PRPF19: variants seen among roughly 807,000 people sequenced by gnomAD.
The protein encoded by PRPF19 is pre-mRNA-processing factor 19.
A neutral mutation model predicts 64.2 loss-of-function variants in PRPF19; 2 were observed. The ratio of observed to expected loss-of-function variants is 0.03; its 90% CI spans 0.01 to 0.10. The LOEUF (loss-of-function observed/expected upper bound fraction) is 0.10, where lower values mean the gene tolerates loss of function less well. PRPF19 is among the 10% of genes least tolerant of loss of function. The probability of loss-of-function intolerance (pLI) is 1.00; values close to 1 mark genes in which losing one functional copy is unlikely to be tolerated. For synonymous variants in PRPF19, 226 were observed against 251.6 expected (o/e 0.90, Z 0.96); for missense variants, 314 against 650.0 (o/e 0.48, Z 5.62).
At position 60,898,455 on chromosome 11, in the gene PRPF19, G is replaced by A; in HGVS notation, c.1140+86C>T. ...CAGTGTCTCTCCACCTTCAGGGCCA[G>A]GTGCCACAAGCACCTAATTAGCACT... On this transcript the variant is annotated intron_variant, in intron 13 of 15. Coordinates refer to ENST00000227524, the MANE Select transcript of PRPF19 (RefSeq NM_014502.5). The surrounding 1 kb of genome is among the most constrained non-coding windows in gnomAD (Gnocchi z 4.6). 1 of 1,598,608 alleles carries A rather than the reference G, an allele frequency of 6.3e-7. No homozygotes were observed. Among genetic ancestry groups the A allele is most frequent in the South Asian group, 1.1e-5 (1 of 88,630 alleles).
At chr11:60,903,063 G>A (rs1164225365) in intron 3 of PRPF19, among the ~76,000 whole-genome samples, 182 bp from the exon 4 acceptor site, 4 of 152,032 alleles carry the variant, frequency 2.6e-5, no homozygotes, top group East Asian at 1.9e-4. Flanking sequence ...TACCCCAAGC[G>A]AACCACTGGG....
At chr11:60,905,285 C>T (rs1856032847) in intron 1 of PRPF19, 1 of 152,172 alleles carries the variant, frequency 6.6e-6, no homozygotes, top group Admixed American at 6.5e-5. Context: ...AATGAGTGAA[C>T]CATGCCAGGA....
In PRPF19 at chr11:60,903,462, C is replaced by T. The variant is rs749844156; in HGVS notation, c.243G>A (p.Glu81=). ...TGATTCTCTTGCAGGAACTCACCCA[C>T]TCATCCTGCAAAGCTTTCAGAATGG... ...IPAILKALQD[E]WDAVMLHSFT... The change falls in exon 3 of 16, where the codon GAG becomes GAA. Residue 81 remains glutamate (E), a synonymous_variant. Coordinates refer to ENST00000227524, the MANE Select transcript of PRPF19 (RefSeq NM_014502.5). 1.2e-6 allele frequency: 2 copies of T among 1,613,154 alleles called. No homozygotes were observed. Among genetic ancestry groups the T allele is most frequent in the South Asian group, 1.1e-5 (1 of 90,700 alleles).
chr11:60,903,527 G>A lies in PRPF19; in HGVS notation c.178C>T (p.Pro60Ser), dbSNP rs1486433660. ...EQLIDIKVAH[P>S]IRPKPPSATS... ...GCTGAGGGAGGCTTGGGCCGGATTG[G>A]GTGAGCAACTGCCGAAAGGGAAAGC... The change falls in exon 3 of 16, where the codon CCA becomes TCA. Residue 60 changes from proline (P) to serine (S), a missense_variant. Pro to Ser is a moderately conservative substitution (Grantham distance 74, BLOSUM62 -1). This residue lies in a region of PRPF19 where 66 missense variants were observed against 88.4 expected (regional missense o/e 0.75). Transcript: ENST00000227524. 6.2e-7 allele frequency: 1 copy of A among 1,613,934 alleles called. No homozygotes were observed. Among genetic ancestry groups the A allele is most frequent in the African/African-American group, 1.3e-5 (1 of 74,904 alleles).
chr11:60,893,948 G>A (rs938432055), intron 15 of PRPF19, among the ~76,000 whole-genome samples: 12 of 152,216 alleles, frequency 7.9e-5, no homozygotes, highest in African/African-American at 2.9e-4. Flanking sequence ...ACACTATACT[G>A]TAGTCTATTA....
intron 15 of PRPF19, among the ~76,000 whole-genome samples, chr11:60,896,039 C>T (rs550143039): frequency 1.3e-5 from 2 of 152,246 alleles, no homozygotes; most frequent in East Asian, 1.9e-4. Context: ...ATTTGACACA[C>T]AGACACAAAG....
At chr11:60,900,339 A>G (rs1219800583) in intron 10 of PRPF19, among the ~76,000 whole-genome samples, 3 of 152,238 alleles carry the variant, frequency 2.0e-5, no homozygotes, top group Non-Finnish European at 4.4e-5. Context: ...AAATATTTCA[A>G]TGAATATGCT....
At chr11:60,891,774 A>G (rs991209011) in intron 15 of PRPF19, among the ~76,000 whole-genome samples, 2 of 152,212 alleles carry the variant, frequency 1.3e-5, no homozygotes, top group African/African-American at 2.4e-5. Context: ...TCACACCTGG[A>G]GTCAACCAAC....
rs779232907 is a variant in PRPF19, at chr11:60,898,393, C to G, written c.1141-122G>C. The G allele has an allele frequency of 1.3e-6, 2 of 1,499,798 alleles. No homozygotes were observed. The highest frequency in any genetic ancestry group is 4.8e-5 in the East Asian group (2 of 41,798). The allele number at this position is 1,499,798 out of a possible 1,614,324, so 92.9% of individuals were successfully genotyped here. On this transcript the variant is annotated intron_variant, in intron 13 of 15. Transcript: ENST00000227524. This position sits in a 1 kb window ranked among gnomAD's most constrained non-coding sequence, Gnocchi z 4.6. The stretch of plus-strand genomic sequence containing the variant: ...CTTCCAGGAAGGACAGCCAGCGGGA[C>G]CCCCCAGACCACACCATCATATCAC...
chr11:60,900,711 A>G lies in PRPF19; in HGVS notation c.719-20T>C, dbSNP rs750510067. The G allele has an allele frequency of 1.3e-6, 2 of 1,560,512 alleles. No individual in the cohort carries two copies. Among genetic ancestry groups the G allele is most frequent in the Non-Finnish European group, 1.7e-6 (2 of 1,150,616 alleles). On this transcript the variant is annotated intron_variant, in intron 9 of 15. Transcript: ENST00000227524. ...CCCCACCTGGAGAAGACCCAAAAAG[A>G]CCAAACAATGAGTCAGGCCCACCCA...
chr11:60,890,919 C>T lies in PRPF19; in HGVS notation c.*247G>A. ...GGAAGGGAGAGGCCCTGGGCTCCGA[C>T]CCTGGGCCTTAAGAGGGTGACAGTT... On this transcript the variant is annotated 3_prime_UTR_variant, in exon 16 of 16. Coordinates refer to ENST00000227524, the MANE Select transcript of PRPF19 (RefSeq NM_014502.5). 1 of 594,790 alleles carries T rather than the reference C, an allele frequency of 1.7e-6. No homozygotes were observed. Among genetic ancestry groups the T allele is most frequent in the South Asian group, 1.5e-5 (1 of 64,774 alleles). The allele number at this position is 594,790 out of a possible 1,614,324, so 36.8% of individuals were successfully genotyped here. A position where few individuals can be genotyped will look rare whatever the true frequency, so the allele number is the denominator to read the frequency against.
intron 10 of PRPF19, among the ~76,000 whole-genome samples, chr11:60,899,794 GGGGCA>G (rs1855961477): frequency 6.6e-6 from 1 of 152,100 alleles, no homozygotes; most frequent in African/African-American, 2.4e-5. Flanking sequence ...CAAAAGATTT[GGGGCA>G]GGGAGAGAAT....
At chr11:60,891,594 T>C (rs1425663696) in intron 15 of PRPF19, among the ~76,000 whole-genome samples, 6 of 152,214 alleles carry the variant, frequency 3.9e-5, no homozygotes, top group Admixed American at 3.9e-4. Context: ...TACTTGCTCG[T>C]AAGTGGAACA....
chr11:60,898,722 T>C lies in PRPF19; in HGVS notation c.1055-96A>G. 1.3e-6 allele frequency: 2 copies of C among 1,591,638 alleles called. No homozygotes were observed. The highest frequency in any genetic ancestry group is 1.7e-6 in the Non-Finnish European group (2 of 1,167,714). ...GTTCCTTGTTCTTCACATTCCTCAG[T>C]GAACCCAGCACAAAGCCCGCACTAG... On this transcript the variant is annotated intron_variant, in intron 12 of 15. Transcript: ENST00000227524. This position sits in a 1 kb window ranked among gnomAD's most constrained non-coding sequence, Gnocchi z 4.6.
At chr11:60,899,344 G>C in intron 10 of PRPF19, 40 bp from the exon 11 acceptor site, 1 of 1,574,938 alleles carries the variant, frequency 6.3e-7, no homozygotes, top group Middle Eastern at 1.7e-4. Flanking sequence ...AGTCAGAAAA[G>C]AGATACAGAC....
chr11:60,893,821 G>C (rs544154672), intron 15 of PRPF19, among the ~76,000 whole-genome samples: 17 of 151,908 alleles, frequency 1.1e-4, no homozygotes, highest in Admixed American at 2.6e-4. Context: ...CGGGTGTGAT[G>C]GTGCCCACCT....
chr11:60,901,562 G>A (rs769502949), intron 6 of PRPF19, 22 bp from the exon 7 acceptor site: 3 of 1,613,852 alleles, frequency 1.9e-6, no homozygotes, highest in East Asian at 4.5e-5. Context: ...CAGGCTCAAT[G>A]TGAGACAAAT....
chr11:60,905,219 TC>T (rs1856032114), intron 1 of PRPF19: 1 of 152,230 alleles, frequency 6.6e-6, no homozygotes, highest in Non-Finnish European at 1.5e-5. Context: ...TTACAGCTGG[TC>T]TCTCACTTCC....
intron 10 of PRPF19, among the ~76,000 whole-genome samples, chr11:60,899,686 T>C (rs1179566021): frequency 6.6e-6 from 1 of 152,234 alleles, no homozygotes; most frequent in Non-Finnish European, 1.5e-5. Flanking sequence ...TACTGTACTG[T>C]ATGGCACAGG....
Sources: gnomAD v4.1 joint callset for allele counts (sites outside exome capture counted in the v4.1 genomes callset) on GRCh38, gnomAD v4.1.1 for gene constraint, gnomAD v4.1.1 regional missense constraint, Gnocchi (gnomAD v3.1) non-coding constraint, MANE v1.5 for transcripts, NCBI Gene and HGNC (gene_info 2026-07-23, HGNC 2026-07-21) for gene names.